GOLGB1: variants seen among roughly 807,000 people sequenced by gnomAD.
GOLGB1 encodes the protein golgin B1, also known as golgin subfamily B member 1.
Under a neutral mutation model 336.9 loss-of-function variants are expected in GOLGB1, and 174 were observed. The ratio of observed to expected loss-of-function variants is 0.52; its 90% CI spans 0.46 to 0.59. GOLGB1 has a LOEUF of 0.59. Ranked by LOEUF, GOLGB1 falls within the 20% of genes least tolerant of loss-of-function variation. GOLGB1 has a pLI of 0.00. For synonymous variants in GOLGB1, 1,208 were observed against 1,289.2 expected, an observed-to-expected ratio of 0.94 and a Z score of 1.35; for missense variants, 3,331 against 3,645.3, an observed-to-expected ratio of 0.91 and a Z score of 2.22.
chr3:121,695,373 T>G lies in GOLGB1; in HGVS notation c.5150A>C (p.Glu1717Ala). Residue 1717 changes from glutamate to alanine, a missense_variant, in exon 13 of 22, where the codon GAG becomes GCG. By Grantham distance (107) the Glu-to-Ala change is moderately radical. Coordinates refer to ENST00000614479, the MANE Select transcript of GOLGB1 (RefSeq NM_001366282.2). Reference protein sequence around the residue: ...EVHPAGDTAKECMETLLSSNA... With the variant: ...EVHPAGDTAKACMETLLSSNA... ...GGAAGAAAGAAGTGTTTCCATACAC[T>G]CTTTAGCTGTATCTCCTGCAGGGTG... 1 of 1,614,044 alleles carries G rather than the reference T, an allele frequency of 6.2e-7. No homozygotes were observed.
chr3:121,730,451 T>TA (rs922457194), intron 2 of GOLGB1, among the ~76,000 whole-genome samples: 46 of 148,738 alleles, frequency 3.1e-4, no homozygotes, highest in African/African-American at 6.4e-4. Context: ...TGTATCATCT[T>TA]AAAAAAAAAA....
chr3:121,674,006 C>T (rs932904797), intron 17 of GOLGB1, among the ~76,000 whole-genome samples: 1 of 152,208 alleles, frequency 6.6e-6, no homozygotes, highest in African/African-American at 2.4e-5. Context: ...CAGGCATGAG[C>T]CACCATGGCT....
chr3:121,684,475 A>G (rs1405979674), intron 14 of GOLGB1, among the ~76,000 whole-genome samples: 1 of 152,068 alleles, frequency 6.6e-6, no homozygotes, highest in African/African-American at 2.4e-5. Flanking sequence ...ATGAAGAAAA[A>G]AAGACCTATA....
intron 14 of GOLGB1, among the ~76,000 whole-genome samples, chr3:121,686,072 G>T (rs1941691153): frequency 6.6e-6 from 1 of 152,050 alleles, no homozygotes; most frequent in Non-Finnish European, 1.5e-5. Flanking sequence ...TACATTAAGG[G>T]ACAGCTAAAT....
intron 1 of GOLGB1, among the ~76,000 whole-genome samples, chr3:121,745,335 T>C (rs1006954167): frequency 2.0e-5 from 3 of 146,692 alleles, no homozygotes; most frequent in Non-Finnish European, 4.5e-5. Context: ...TATGTATATA[T>C]ACATATGTAC....
In GOLGB1 at chr3:121,693,736, T is replaced by C. The variant is rs1479851632; in HGVS notation, c.6782+5A>G. 3 of 1,585,816 alleles carry C rather than the reference T, an allele frequency of 1.9e-6. No individual in the cohort carries two copies. Among genetic ancestry groups the C allele is most frequent in the African/African-American group, 1.3e-5 (1 of 74,152 alleles). ...TGGAGGAGGAAAAATTCACTACTCA[T>C]TTACCTGGAAATGTTAATCTTTAAT... On this transcript the variant is annotated splice_donor_5th_base_variant and intron_variant, in intron 13 of 21. Transcript: ENST00000614479.
At chr3:121,726,433 C>CAAAAAAA (rs10547964) in intron 5 of GOLGB1, among the ~76,000 whole-genome samples, 19 of 61,412 alleles carry the variant, frequency 3.1e-4, no homozygotes, top group African/African-American at 6.2e-4. Flanking sequence ...CACCCTGTCT[C>CAAAAAAA]AAAAAAAAAA....
chr3:121,711,188 T>C (rs1944335354), intron 10 of GOLGB1, among the ~76,000 whole-genome samples: 1 of 151,964 alleles, frequency 6.6e-6, no homozygotes, highest in South Asian at 2.1e-4. Context: ...TGAAACTCCA[T>C]CTCAAAAAAT....
chr3:121,668,744 T>A (rs1285212775), intron 18 of GOLGB1, among the ~76,000 whole-genome samples: 1 of 150,644 alleles, frequency 6.6e-6, no homozygotes, highest in East Asian at 2.0e-4. Flanking sequence ...GCCACTTTGA[T>A]CCTTCCCTTG....
At chr3:121,739,801 G>A (rs952357853) in intron 1 of GOLGB1, among the ~76,000 whole-genome samples, 11 of 152,120 alleles carry the variant, frequency 7.2e-5, no homozygotes, top group East Asian at 1.9e-4. Context: ...ATTAATAGAC[G>A]GTTAAGCAAA....
intron 1 of GOLGB1, among the ~76,000 whole-genome samples, chr3:121,735,705 T>C (rs1946424120): frequency 6.6e-6 from 1 of 152,318 alleles, no homozygotes; most frequent in Middle Eastern, 3.4e-3. Flanking sequence ...TTAATATATA[T>C]GTAAATAGAT....
At chr3:121,714,552 G>A (rs951555576) in intron 10 of GOLGB1, among the ~76,000 whole-genome samples, 3 of 151,758 alleles carry the variant, frequency 2.0e-5, no homozygotes, top group Non-Finnish European at 4.4e-5. Context: ...TCCGAACTGG[G>A]AAAATTAACT....
At chr3:121,693,070 T>C (rs986495648) in intron 13 of GOLGB1, among the ~76,000 whole-genome samples, 5 of 151,948 alleles carry the variant, frequency 3.3e-5, no homozygotes, top group Admixed American at 2.0e-4. Context: ...AAAAAATAAC[T>C]CTAAGAGGTA....
chr3:121,746,725 T>A (rs991517006), intron 1 of GOLGB1, among the ~76,000 whole-genome samples: 1 of 152,066 alleles, frequency 6.6e-6, no homozygotes, highest in African/African-American at 2.4e-5. Context: ...AGTGATCCAC[T>A]CGCCTTGGCC....
intron 5 of GOLGB1, among the ~76,000 whole-genome samples, 153 bp from the exon 6 acceptor site, chr3:121,722,531 T>A (rs1319181312): frequency 6.6e-6 from 1 of 152,210 alleles, no homozygotes; most frequent in Non-Finnish European, 1.5e-5. Context: ...GCATGCATTA[T>A]CAAAATTTTA....
chr3:121,743,228 A>G (rs747191902), intron 1 of GOLGB1, among the ~76,000 whole-genome samples: 2 of 152,256 alleles, frequency 1.3e-5, no homozygotes. Context: ...ATGTCCATCA[A>G]TGACAGACTG....
chr3:121,715,369 A>AT (rs373634444), intron 9 of GOLGB1, among the ~76,000 whole-genome samples: 1,705 of 128,562 alleles, frequency 0.013, 38 homozygotes, highest in African/African-American at 0.036. Context: ...TGCCTGGCTA[A>AT]TTTTTTTTTT....
intron 1 of GOLGB1, among the ~76,000 whole-genome samples, chr3:121,739,042 A>T (rs983404824): frequency 6.6e-6 from 1 of 152,148 alleles, no homozygotes; most frequent in African/African-American, 2.4e-5. Flanking sequence ...TGGGAGGATC[A>T]CTTGAGCCTA....
At chr3:121,670,403 G>C (rs1405470208) in intron 17 of GOLGB1, among the ~76,000 whole-genome samples, 1 of 152,152 alleles carries the variant, frequency 6.6e-6, no homozygotes, top group Non-Finnish European at 1.5e-5. Flanking sequence ...CAGTTTTCTA[G>C]AGACAACTGT....
Sources: gnomAD v4.1 joint callset for allele counts (sites outside exome capture counted in the v4.1 genomes callset) on GRCh38, gnomAD v4.1.1 for gene constraint, MANE v1.5 for transcripts, NCBI Gene and HGNC (gene_info 2026-07-23, HGNC 2026-07-21) for gene names.